The following DNAJB6 variants were observed in gnomAD, a reference collection of about 807,000 sequenced individuals.
The protein encoded by DNAJB6 is dnaJ homolog subfamily B member 6.
A neutral mutation model predicts 42.7 loss-of-function variants in DNAJB6; 16 were observed. The observed-to-expected ratio is 0.37, with a 90% CI of 0.25 to 0.57. The LOEUF (loss-of-function observed/expected upper bound fraction) is 0.57. DNAJB6 is among the 20% of genes least tolerant of loss of function. The pLI, the probability that DNAJB6 is intolerant of heterozygous loss-of-function variation, is 0.74. For synonymous variants in DNAJB6, 170 were observed against 163.5 expected (o/e 1.04, Z -0.30); for missense variants, 347 against 416.8 (o/e 0.83, Z 1.46).
At chr7:157,338,964 C>T (rs1050881303) in intron 1 of DNAJB6, among the ~76,000 whole-genome samples, 6 of 152,140 alleles carry the variant, frequency 3.9e-5, no homozygotes, top group Non-Finnish European at 5.9e-5. Context: ...TCAGCACTCT[C>T]TTCAAAACAG....
chr7:157,397,285 C>T (rs950441934), intron 8 of DNAJB6, among the ~76,000 whole-genome samples: 8 of 152,200 alleles, frequency 5.3e-5, no homozygotes, highest in Non-Finnish European at 1.2e-4. Context: ...CTCCTTGAAC[C>T]TCTGTTGTGC....
chr7:157,358,697 G>A, intron 2 of DNAJB6, 60 bp downstream of exon 2: 8 of 1,336,598 alleles, frequency 6.0e-6, no homozygotes, highest in Non-Finnish European at 8.6e-6. Context: ...TAATTGAGTA[G>A]TATAACTTCT....
chr7:157,409,781 C>T lies in DNAJB6; in HGVS notation c.692-14C>T, dbSNP rs767895756. The T allele has an allele frequency of 1.1e-5, 16 of 1,518,124 alleles. No homozygotes were observed. In the Admixed American group the frequency reaches 1.6e-4, roughly 15 times the overall value. 94.0% of individuals were successfully genotyped at this position (1,518,124 alleles called of 1,614,324 possible). On this transcript the variant is annotated splice_polypyrimidine_tract_variant and intron_variant, in intron 8 of 9. Transcript: ENST00000262177. Reference sequence around the variant, plus strand: ...CGCTCACTCACGGCTCTCTCTCTCCCGCTGTGCCTGCAGGTGTGGCCGACG... The same window carrying T: ...CGCTCACTCACGGCTCTCTCTCTCCTGCTGTGCCTGCAGGTGTGGCCGACG...
intron 2 of DNAJB6, among the ~76,000 whole-genome samples, chr7:157,362,183 G>A (rs1799637013): frequency 6.6e-6 from 1 of 152,092 alleles, no homozygotes; most frequent in Non-Finnish European, 1.5e-5. Context: ...TTTAGATCTT[G>A]AATCTGGCAC....
At position 157,409,931 on chromosome 7, in the gene DNAJB6, C is replaced by T. The variant is rs1422938228; in HGVS notation, c.828C>T (p.Leu276=). 1 of 1,536,526 alleles carries T rather than the reference C, an allele frequency of 6.5e-7. No homozygotes were observed. Among genetic ancestry groups the T allele is most frequent in the South Asian group, 1.2e-5 (1 of 83,950 alleles). ...TGCTGAGACACGCGCCTCACTGTCTCTCTGAGGAGGAGGGCGAGCAGGACC... is the reference window on the plus strand; with the variant it reads ...TGCTGAGACACGCGCCTCACTGTCTTTCTGAGGAGGAGGGCGAGCAGGACC... The part of the protein sequence containing the change: ...ASLLRHAPHC[L]SEEEGEQDRP... The change falls in exon 9 of 10, where the codon CTC becomes CTT. Residue 276 remains leucine (L), a synonymous_variant. Transcript: ENST00000262177.
chr7:157,397,888 C>T (rs181056009), intron 8 of DNAJB6, among the ~76,000 whole-genome samples: 3 of 152,364 alleles, frequency 2.0e-5, no homozygotes, highest in East Asian at 1.9e-4. Context: ...TGGTGGCCCA[C>T]GCCTGTAATC....
At position 157,340,964 on chromosome 7, in the gene DNAJB6, CTGTGTGTGTG is replaced by C. The variant is rs35976329; in HGVS notation, c.-27+3845_-27+3854del. Among the ~76,000 whole-genome samples, 240 of 146,198 alleles carry C rather than the reference CTGTGTGTGTG, an allele frequency of 1.6e-3. 2 individuals carry two copies. The highest frequency in any genetic ancestry group is 7.8e-3 in the Admixed American group (115 of 14,742). On this transcript the variant is annotated intron_variant, in intron 1 of 9. Transcript: ENST00000262177. ...TACAGGCGTGACCCACCGCACCTGG[CTGTGTGTGTG>C]TGTGTGTGTGTGTGTGTGTGTGTGC...
chr7:157,405,863 C>T (rs1216731453), intron 8 of DNAJB6, among the ~76,000 whole-genome samples: 1 of 152,246 alleles, frequency 6.6e-6, no homozygotes, highest in African/African-American at 2.4e-5. Flanking sequence ...GACTGTTCTC[C>T]AGCCACTTTC....
At chr7:157,345,604 C>G (rs1798644273) in intron 1 of DNAJB6, among the ~76,000 whole-genome samples, 1 of 152,166 alleles carries the variant, frequency 6.6e-6, no homozygotes, top group African/African-American at 2.4e-5. Context: ...TCTTTGCTGT[C>G]TAGAAGCTTT....
intron 3 of DNAJB6, 81 bp from the exon 4 acceptor site, chr7:157,366,421 T>C (rs1799846521): frequency 1.5e-6 from 2 of 1,305,494 alleles, no homozygotes; most frequent in Non-Finnish European, 1.1e-6. Context: ...AAAACTGATT[T>C]ACAACTGGGG....
At chr7:157,389,758 T>G (rs943064297) in intron 8 of DNAJB6, among the ~76,000 whole-genome samples, 1 of 152,246 alleles carries the variant, frequency 6.6e-6, no homozygotes, top group Non-Finnish European at 1.5e-5. Context: ...GTTAGAAATC[T>G]AGACGTCACT....
chr7:157,350,898 T>G, intron 1 of DNAJB6, among the ~76,000 whole-genome samples: 1 of 151,524 alleles, frequency 6.6e-6, no homozygotes, highest in East Asian at 1.9e-4. Context: ...TGTGGTAGCA[T>G]ATGCCAGACA....
chr7:157,383,603 ATGTGTGTTTGTG>A (rs1178759911), intron 6 of DNAJB6, among the ~76,000 whole-genome samples: 113 of 93,956 alleles, frequency 1.2e-3, no homozygotes, highest in African/African-American at 5.0e-3. Flanking sequence ...TGGCTCCTGT[ATGTGTGTTTGTG>A]TGTGTGTGTG....
At chr7:157,400,147 C>T (rs868371507) in intron 8 of DNAJB6, among the ~76,000 whole-genome samples, 7 of 144,218 alleles carry the variant, frequency 4.9e-5, no homozygotes, top group Non-Finnish European at 9.0e-5. Context: ...TGCCTTTTTT[C>T]GGTTTCTTTG....
At position 157,369,671 on chromosome 7, in the gene DNAJB6, T is replaced by C. The variant is rs146219648; in HGVS notation, c.346+2188T>C. 3.8e-3 allele frequency among the ~76,000 whole-genome samples: 559 copies of C among 148,934 alleles called. 3 individuals carry two copies. The highest frequency in any genetic ancestry group is 0.013 in the African/African-American group (504 of 38,646). On this transcript the variant is annotated intron_variant, in intron 5 of 9. Coordinates refer to ENST00000262177, the MANE Select transcript of DNAJB6 (RefSeq NM_058246.4). The stretch of plus-strand genomic sequence containing the variant: ...CATTATTATTAAACAGGCCCCTTCT[T>C]AACATTATTATTAAACAGGCCTTTC...
chr7:157,372,333 TG>T (rs949083388), intron 5 of DNAJB6: 1 of 152,924 alleles, frequency 6.5e-6, no homozygotes, highest in Non-Finnish European at 1.5e-5. Flanking sequence ...AACTGGGGCC[TG>T]GGCGAGCCCT....
intron 8 of DNAJB6, among the ~76,000 whole-genome samples, chr7:157,403,207 A>C (rs890406743): frequency 6.6e-6 from 1 of 152,148 alleles, no homozygotes; most frequent in African/African-American, 2.4e-5. Context: ...CACAATCCAC[A>C]TATGAGAGGG....
At chr7:157,397,644 C>T (rs1262758048) in intron 8 of DNAJB6, among the ~76,000 whole-genome samples, 1 of 152,254 alleles carries the variant, frequency 6.6e-6, no homozygotes, top group Non-Finnish European at 1.5e-5. Flanking sequence ...GGGCACGTCC[C>T]CGTGCCGTCA....
intron 8 of DNAJB6, among the ~76,000 whole-genome samples, chr7:157,405,114 A>G (rs1795715461): frequency 6.6e-6 from 1 of 152,244 alleles, no homozygotes; most frequent in Non-Finnish European, 1.5e-5. Context: ...CACGTGCTGC[A>G]GAACACTACC....
Sources: gnomAD v4.1 joint callset for allele counts (sites outside exome capture counted in the v4.1 genomes callset) on GRCh38, gnomAD v4.1.1 for gene constraint, MANE v1.5 for transcripts, NCBI Gene and HGNC (gene_info 2026-07-23, HGNC 2026-07-21) for gene names.